The following MAF variants were observed in gnomAD, a reference collection of about 807,000 sequenced individuals.
MAF encodes MAF bZIP transcription factor, also known as transcription factor Maf.
A neutral mutation model predicts 22.0 loss-of-function variants in MAF; 10 were observed. The ratio of observed to expected loss-of-function variants is 0.45; its 90% CI spans 0.28 to 0.77. The LOEUF is 0.77. Ranked by LOEUF, MAF falls within the 30% of genes least tolerant of loss-of-function variation. The pLI, the probability that MAF is intolerant of heterozygous loss-of-function variation, is 0.12. For synonymous variants in MAF, 337 were observed against 255.8 expected (o/e 1.32, Z -3.03); for missense variants, 544 against 548.4 (o/e 0.99, Z 0.08).
At chr16:79,351,544 C>A in the MAF span, among the ~76,000 whole-genome samples, 1 of 152,054 alleles carries the variant, frequency 6.6e-6, no homozygotes, top group Non-Finnish European at 1.5e-5. Context: ...AATGATCACC[C>A]AGAATCTCAG....
the MAF span, among the ~76,000 whole-genome samples, chr16:79,404,866 G>A: frequency 6.6e-6 from 1 of 152,030 alleles, no homozygotes; most frequent in Non-Finnish European, 1.5e-5. Context: ...ATTACAAATC[G>A]CTCCCCTCCT....
chr16:79,216,537 C>T, the MAF span, among the ~76,000 whole-genome samples: 9 of 152,114 alleles, frequency 5.9e-5, no homozygotes, highest in East Asian at 1.9e-4. Flanking sequence ...AGACATTCAA[C>T]CCTCTAATAA....
At chr16:79,294,286 G>A in the MAF span, among the ~76,000 whole-genome samples, 1 of 152,146 alleles carries the variant, frequency 6.6e-6, no homozygotes. Flanking sequence ...TTTTCCTTGA[G>A]CAAAGAATAG....
At chr16:79,287,706 CA>C in the MAF span, among the ~76,000 whole-genome samples, 3 of 152,160 alleles carry the variant, frequency 2.0e-5, no homozygotes, top group African/African-American at 7.2e-5. Context: ...TTCTTTCATT[CA>C]CTCATTCATT....
the MAF span, among the ~76,000 whole-genome samples, chr16:79,251,753 G>T: frequency 6.6e-6 from 1 of 152,218 alleles, no homozygotes. Context: ...GCCAACGCTG[G>T]GGGCCTGGGC....
At chr16:79,510,518 G>A in the MAF span, among the ~76,000 whole-genome samples, 6 of 152,252 alleles carry the variant, frequency 3.9e-5, no homozygotes, top group African/African-American at 1.4e-4. Flanking sequence ...GGCAGAGTTT[G>A]GGTTCCAGAA....
chr16:79,349,002 T>A, the MAF span, among the ~76,000 whole-genome samples: 1 of 152,190 alleles, frequency 6.6e-6, no homozygotes, highest in Non-Finnish European at 1.5e-5. Flanking sequence ...GCCTGGTCCC[T>A]CCATTGCTCT....
At chr16:79,273,128 T>C in the MAF span, among the ~76,000 whole-genome samples, 3 of 152,212 alleles carry the variant, frequency 2.0e-5, no homozygotes, top group Non-Finnish European at 4.4e-5. Flanking sequence ...GGCCCTAAGA[T>C]ACATTTAGTC....
chr16:79,250,417 G>A, the MAF span, among the ~76,000 whole-genome samples: 5 of 152,354 alleles, frequency 3.3e-5, no homozygotes, highest in South Asian at 4.1e-4. Context: ...ACTGCGGAGA[G>A]GTCATCTCAC....
At chr16:79,456,205 A>T in the MAF span, among the ~76,000 whole-genome samples, 3 of 152,026 alleles carry the variant, frequency 2.0e-5, no homozygotes, top group African/African-American at 7.3e-5. Context: ...CTGCCTGCTA[A>T]CATACAGTCC....
intron 1 of MAF, chr16:79,595,545 T>A: frequency 9.4e-7 from 1 of 1,059,918 alleles, no homozygotes; most frequent in Non-Finnish European, 1.1e-6. Flanking sequence ...GCAAACTGCA[T>A]GAATTTGTAA....
At chr16:79,285,616 A>G in the MAF span, among the ~76,000 whole-genome samples, 1 of 152,146 alleles carries the variant, frequency 6.6e-6, no homozygotes, top group Non-Finnish European at 1.5e-5. Flanking sequence ...GAAGTTTACC[A>G]TGGTGATTCT....
the MAF span, among the ~76,000 whole-genome samples, chr16:79,580,587 G>A: frequency 2.4e-4 from 37 of 152,240 alleles, no homozygotes; most frequent in South Asian, 4.4e-3. Flanking sequence ...GTCTCCAGAC[G>A]CTGCTTGGAG....
chr16:79,506,956 G>C, the MAF span, among the ~76,000 whole-genome samples: 2 of 152,262 alleles, frequency 1.3e-5, no homozygotes, highest in Middle Eastern at 3.4e-3. Flanking sequence ...AGGAACTCCT[G>C]GGTACTTTGT....
At chr16:79,211,747 C>A in the MAF span, 1 of 1,614,178 alleles carries the variant, frequency 6.2e-7, no homozygotes, top group South Asian at 1.1e-5. Flanking sequence ...ACCCTGTGGG[C>A]GCTCAGCGAG....
chr16:79,480,048 C>T, the MAF span, among the ~76,000 whole-genome samples: 2 of 152,194 alleles, frequency 1.3e-5, no homozygotes, highest in Non-Finnish European at 2.9e-5. Flanking sequence ...TACTCTCTCC[C>T]TTAGGTCAAG....
At chr16:79,382,731 T>C in the MAF span, among the ~76,000 whole-genome samples, 3 of 152,144 alleles carry the variant, frequency 2.0e-5, no homozygotes, top group Admixed American at 2.0e-4. Flanking sequence ...GCATCATATC[T>C]CAGAAAAAGC....
At chr16:79,465,868 G>C in the MAF span, among the ~76,000 whole-genome samples, 8 of 152,296 alleles carry the variant, frequency 5.3e-5, no homozygotes, top group African/African-American at 9.6e-5. Context: ...CTTGGGAAAA[G>C]TGCCTAATAT....
At chr16:79,571,530 A>ATTTTTTTTTTTTTTTTT in the MAF span, among the ~76,000 whole-genome samples, 5 of 103,884 alleles carry the variant, frequency 4.8e-5, no homozygotes, top group African/African-American at 1.9e-4. Flanking sequence ...TCTCAGCGGA[A>ATTTTTTTTTTTTTTTTT]TTTTTTTTTT....
Sources: gnomAD v4.1 joint callset for allele counts (sites outside exome capture counted in the v4.1 genomes callset) on GRCh38, gnomAD v4.1.1 for gene constraint, MANE v1.5 for transcripts, NCBI Gene and HGNC (gene_info 2026-07-23, HGNC 2026-07-21) for gene names.